The following KCNT1 variants were observed in gnomAD, a reference collection of about 807,000 sequenced individuals.
KCNT1 encodes potassium sodium-activated channel subfamily T member 1, also known as potassium channel subfamily T member 1.
KCNT1 carries 78 observed loss-of-function variants against 147.8 expected under a neutral mutation model. The ratio of observed to expected loss-of-function variants is 0.53; its 90% CI spans 0.44 to 0.64. The LOEUF (loss-of-function observed/expected upper bound fraction) is 0.64. Among genes scored for constraint, KCNT1 ranks in the 30% least tolerant of loss-of-function variants. KCNT1 has a pLI of 0.00. For missense variants in KCNT1, 1,419 were observed against 1,750.3 expected, an observed-to-expected ratio of 0.81 and a Z score of 3.38; for synonymous variants, 867 against 748.8, an observed-to-expected ratio of 1.16 and a Z score of -2.58.
At chr9:135,768,551 C>T in intron 13 of KCNT1, 59 bp from the exon 14 acceptor site, 1 of 1,424,266 alleles carries the variant, frequency 7.0e-7, no homozygotes, top group South Asian at 1.3e-5. Flanking sequence ...CCTCCGCACC[C>T]CCGGCTGCAC....
intron 21 of KCNT1, among the ~76,000 whole-genome samples, chr9:135,777,959 C>T (rs1327949713): frequency 1.6e-5 from 2 of 126,772 alleles, no homozygotes; most frequent in Admixed American, 1.5e-4. Flanking sequence ...TCCCCACTCC[C>T]AGTTCCTCTG....
At chr9:135,791,669 TG>T in intron 29 of KCNT1, 127 bp from the exon 30 acceptor site, 2 of 784,440 alleles carry the variant, frequency 2.5e-6, no homozygotes, top group Non-Finnish European at 4.3e-6. Flanking sequence ...GATGAGGTGC[TG>T]GAGCAGAATG....
chr9:135,771,883 C>T (rs923521722), intron 18 of KCNT1, among the ~76,000 whole-genome samples: 1 of 152,208 alleles, frequency 6.6e-6, no homozygotes. Flanking sequence ...GTACAGTGGC[C>T]CAGGCAGAGG....
intron 3 of KCNT1, chr9:135,750,614 T>TG: frequency 2.1e-6 from 1 of 485,106 alleles, no homozygotes; most frequent in Non-Finnish European, 3.7e-6. Context: ...GGTGAGGACT[T>TG]GGGGGGTTTC....
chr9:135,719,473 A>C (rs915601369), intron 2 of KCNT1, among the ~76,000 whole-genome samples: 19 of 152,014 alleles, frequency 1.2e-4, no homozygotes, highest in Admixed American at 1.1e-3. Context: ...TGGGGCTGTC[A>C]CACCACAGGC....
chr9:135,750,057 C>A, intron 2 of KCNT1, 41 bp from the exon 3 acceptor site: 1 of 1,539,014 alleles, frequency 6.5e-7, no homozygotes, highest in South Asian at 1.1e-5. Flanking sequence ...GCCTGAGTCC[C>A]CACTGGCCCT....
Position 135,772,822 on chromosome 9 carries a change from C to T in KCNT1, c.2116C>T (p.Arg706Trp), listed in dbSNP as rs1357319591. 7.9e-6 allele frequency: 12 copies of T among 1,522,222 alleles called. No homozygotes were observed. The highest frequency in any genetic ancestry group is 1.1e-5 in the Non-Finnish European group (12 of 1,133,124). 94.3% of individuals were successfully genotyped at this position (1,522,222 alleles called of 1,614,324 possible). The stretch of plus-strand genomic sequence containing the variant: ...GCCCACGGAGAACGGCTCGGGCAGC[C>T]GGCGGCCCAGCATCGCGCCCGTCCT... The part of the protein sequence containing the change: ...ALPTENGSGS[R>W]RPSIAPVLEL... The change falls in exon 19 of 31, where the codon CGG becomes TGG. Residue 706 changes from arginine (R) to tryptophan (W), a missense_variant. Arg to Trp is a moderately radical substitution (Grantham distance 101). This residue lies in a region of KCNT1 where 284 missense variants were observed against 292.8 expected (regional missense o/e 0.97). Transcript: ENST00000371757.
intron 2 of KCNT1, among the ~76,000 whole-genome samples, chr9:135,740,304 G>C (rs1564334833): frequency 6.6e-6 from 1 of 152,212 alleles, no homozygotes; most frequent in Non-Finnish European, 1.5e-5. Context: ...ACCTGGCTGT[G>C]CTCTGGGCAT....
At chr9:135,763,902 G>T (rs942627917) in intron 11 of KCNT1, among the ~76,000 whole-genome samples, 1 of 152,098 alleles carries the variant, frequency 6.6e-6, no homozygotes, top group South Asian at 2.1e-4. Flanking sequence ...GGCTCAGAGT[G>T]GGGGACGTGA....
At chr9:135,788,440 G>T (rs574703242) in intron 29 of KCNT1, among the ~76,000 whole-genome samples, 2 of 152,378 alleles carry the variant, frequency 1.3e-5, no homozygotes, top group East Asian at 3.9e-4. Context: ...CCCAGCTCTC[G>T]GGCTCACCCT....
chr9:135,771,345 G>A (rs537987044), intron 18 of KCNT1, among the ~76,000 whole-genome samples: 1 of 152,352 alleles, frequency 6.6e-6, no homozygotes, highest in African/African-American at 2.4e-5. Context: ...GTGGCCCCCA[G>A]ACCCAGTTCC....
chr9:135,777,905 C>A (rs1833290716), intron 21 of KCNT1, among the ~76,000 whole-genome samples: 1 of 150,922 alleles, frequency 6.6e-6, no homozygotes, highest in Admixed American at 6.6e-5. Context: ...TTCCCCCTCA[C>A]TCCCAGCTCC....
intron 2 of KCNT1, among the ~76,000 whole-genome samples, chr9:135,722,557 C>T (rs1246158870): frequency 1.3e-5 from 2 of 152,206 alleles, no homozygotes; most frequent in African/African-American, 2.4e-5. Context: ...TGTGTTTATG[C>T]CTCGTCTCAG....
At chr9:135,759,413 T>C (rs1404408007) in intron 10 of KCNT1, among the ~76,000 whole-genome samples, 1 of 152,152 alleles carries the variant, frequency 6.6e-6, no homozygotes, top group Non-Finnish European at 1.5e-5. Context: ...CTCCGGGGAA[T>C]TCGCCGTGAA....
intron 10 of KCNT1, among the ~76,000 whole-genome samples, 177 bp from the exon 11 acceptor site, chr9:135,759,502 A>C (rs1273417402): frequency 6.6e-6 from 1 of 152,228 alleles, no homozygotes; most frequent in Non-Finnish European, 1.5e-5. Flanking sequence ...GCTTGGGGAC[A>C]GATGGGCAGG....
intron 24 of KCNT1, among the ~76,000 whole-genome samples, chr9:135,780,307 T>C (rs1353732245): frequency 6.6e-6 from 1 of 152,184 alleles, no homozygotes; most frequent in Non-Finnish European, 1.5e-5. Flanking sequence ...GCTGAAGTCC[T>C]CATCGGCGAG....
At chr9:135,736,467 T>G (rs935649866) in intron 2 of KCNT1, 2 of 152,172 alleles carry the variant, frequency 1.3e-5, no homozygotes, top group African/African-American at 4.8e-5. Context: ...GGCGGTGGTT[T>G]GAGCCGGGCA....
At chr9:135,790,087 A>G (rs1159790225) in intron 29 of KCNT1, 1 of 150,092 alleles carries the variant, frequency 6.7e-6, no homozygotes, top group Non-Finnish European at 1.5e-5. Context: ...CGGGCACCCC[A>G]GCGGGAGAAG....
At chr9:135,770,505 T>A in intron 17 of KCNT1, 58 bp downstream of exon 17, 1 of 1,541,268 alleles carries the variant, frequency 6.5e-7, no homozygotes, top group Non-Finnish European at 8.8e-7. Context: ...CTCTGTGCCC[T>A]CCCCACCCTC....
Sources: gnomAD v4.1 joint callset for allele counts (sites outside exome capture counted in the v4.1 genomes callset) on GRCh38, gnomAD v4.1.1 for gene constraint, gnomAD v4.1.1 regional missense constraint, MANE v1.5 for transcripts, NCBI Gene and HGNC (gene_info 2026-07-23, HGNC 2026-07-21) for gene names.